Variants in JMJD1C observed in about 807,000 individuals in gnomAD.
JMJD1C encodes jumonji domain-containing protein 1C.
JMJD1C carries 31 observed loss-of-function variants against 245.3 expected under a neutral mutation model. The ratio of observed to expected loss-of-function variants is 0.13; its 90% CI spans 0.09 to 0.17. The LOEUF (loss-of-function observed/expected upper bound fraction) is 0.17, where lower values mean the gene tolerates loss of function less well. Among genes scored for constraint, JMJD1C ranks in the 10% least tolerant of loss-of-function variants. JMJD1C has a pLI of 1.00. For synonymous variants in JMJD1C, 1,057 were observed against 1,017.4 expected (o/e 1.04, Z -0.74); for missense variants, 2,691 against 3,000.2 (o/e 0.90, Z 2.41).
At chr10:63,248,191 G>C (rs926364779) in intron 3 of JMJD1C, among the ~76,000 whole-genome samples, 2 of 151,976 alleles carry the variant, frequency 1.3e-5, no homozygotes, top group Non-Finnish European at 2.9e-5. Flanking sequence ...GGCCAGGCAC[G>C]GTGTTTCACA....
intron 25 of JMJD1C, 59 bp downstream of exon 25, chr10:63,168,376 T>C (rs1842043090): frequency 1.3e-6 from 2 of 1,521,784 alleles, no homozygotes; most frequent in Non-Finnish European, 1.8e-6. Context: ...GTTATACATG[T>C]ATCATATTTC....
chr10:63,388,348 GA>G (rs71463520), intron 1 of JMJD1C, among the ~76,000 whole-genome samples: 6,498 of 130,986 alleles, frequency 0.05, 185 homozygotes, highest in Non-Finnish European at 0.075. Flanking sequence ...AGCTGAAGGA[GA>G]AAAAAAAAAA....
At chr10:63,332,238 A>G (rs1056790933) in intron 2 of JMJD1C, among the ~76,000 whole-genome samples, 6 of 152,234 alleles carry the variant, frequency 3.9e-5, no homozygotes, top group African/African-American at 1.4e-4. Flanking sequence ...AGCTTATATA[A>G]GTAAAGTAAG....
intron 2 of JMJD1C, among the ~76,000 whole-genome samples, chr10:63,307,915 T>C (rs1054375005): frequency 3.3e-5 from 5 of 152,014 alleles, no homozygotes; most frequent in African/African-American, 1.2e-4. Flanking sequence ...TTCGGGAAGC[T>C]GAGGCAGGCG....
At chr10:63,511,486 T>C (rs1251529088) in intron 1 of JMJD1C, among the ~76,000 whole-genome samples, 1 of 152,156 alleles carries the variant, frequency 6.6e-6, no homozygotes, top group Non-Finnish European at 1.5e-5. Flanking sequence ...CCAAGGCTGG[T>C]GGATCACGAG....
chr10:63,478,452 T>C (rs1169501573), intron 1 of JMJD1C, among the ~76,000 whole-genome samples: 1 of 152,166 alleles, frequency 6.6e-6, no homozygotes, highest in Non-Finnish European at 1.5e-5. Context: ...ATATTATACA[T>C]GCAACAATAT....
At chr10:63,303,302 T>G (rs1193809646) in intron 2 of JMJD1C, among the ~76,000 whole-genome samples, 4 of 152,156 alleles carry the variant, frequency 2.6e-5, no homozygotes, top group Admixed American at 1.3e-4. Context: ...CTTGTGCCTT[T>G]TTTGTTGATG....
intron 3 of JMJD1C, among the ~76,000 whole-genome samples, chr10:63,254,053 A>C (rs753477077): frequency 7.2e-5 from 11 of 152,154 alleles, no homozygotes; most frequent in Non-Finnish European, 1.5e-4. Context: ...TTTTAGTCTG[A>C]AGCCTAGAAA....
chr10:63,271,641 T>G (rs909077940), intron 2 of JMJD1C, among the ~76,000 whole-genome samples: 1 of 151,500 alleles, frequency 6.6e-6, no homozygotes, highest in African/African-American at 2.4e-5. Context: ...AACCACTGCC[T>G]CCTGGGTTCA....
rs563078993 is a variant in JMJD1C, at chr10:63,237,758, C to A, written c.448-17775G>T. Among the ~76,000 whole-genome samples the A allele has an allele frequency of 2.0e-5, 3 of 152,070 alleles. No individual in the cohort carries two copies. In the East Asian group the frequency reaches 5.8e-4, roughly 29 times the overall value. On this transcript the variant is annotated intron_variant, in intron 3 of 25. Coordinates refer to ENST00000399262, the MANE Select transcript of JMJD1C (RefSeq NM_032776.3). ...ACACATAATTAGAAAATCTGAAATCCAAAATGCTCCAATGAGCACTTCCTT... is the reference window on the plus strand; with the variant it reads ...ACACATAATTAGAAAATCTGAAATCAAAAATGCTCCAATGAGCACTTCCTT...
intron 1 of JMJD1C, among the ~76,000 whole-genome samples, chr10:63,475,617 A>G (rs1953636448): frequency 6.6e-6 from 1 of 152,188 alleles, no homozygotes; most frequent in African/African-American, 2.4e-5. Context: ...AATAGAGGAA[A>G]ACAGAGCCTG....
chr10:63,463,568 T>C (rs1392727286), intron 1 of JMJD1C, among the ~76,000 whole-genome samples: 2 of 152,128 alleles, frequency 1.3e-5, no homozygotes, highest in African/African-American at 2.4e-5. Context: ...TTAAGAAATG[T>C]GAATGTAAGA....
intron 2 of JMJD1C, among the ~76,000 whole-genome samples, chr10:63,287,311 A>G (rs1858099738): frequency 6.6e-6 from 1 of 152,238 alleles, no homozygotes; most frequent in Non-Finnish European, 1.5e-5. Context: ...CTAAACAGAA[A>G]CTCAGTAGGA....
chr10:63,512,139 C>T (rs1017104806), intron 1 of JMJD1C, among the ~76,000 whole-genome samples: 3 of 152,174 alleles, frequency 2.0e-5, no homozygotes, highest in East Asian at 1.9e-4. Context: ...TAGATACACA[C>T]ACATATACAA....
At chr10:63,446,521 G>C (rs1248029325) in intron 1 of JMJD1C, among the ~76,000 whole-genome samples, 1 of 152,184 alleles carries the variant, frequency 6.6e-6, no homozygotes, top group Non-Finnish European at 1.5e-5. Flanking sequence ...ATGTGACCAA[G>C]AACAAGAGCG....
In JMJD1C at chr10:63,207,404, T is replaced by G. The variant is rs1240538681; in HGVS notation, c.4265A>C (p.Asn1422Thr). ...GGSEVISSLS[N>T]TILASTSSEC... ...TGATGATGTAGAGGCCAAAATGGTA[T>G]TTGATAAAGAGGAAATTACTTCTGA... The change falls in exon 10 of 26, where the codon AAT (asparagine) becomes ACT (threonine). Residue 1422 changes from asparagine (N) to threonine (T), a missense_variant. By Grantham distance (65) the Asn-to-Thr change is moderately conservative. Transcript: ENST00000399262. The G allele has an allele frequency of 1.2e-6, 2 of 1,614,152 alleles. No homozygotes were observed. Among genetic ancestry groups the G allele is most frequent in the Admixed American group, 3.3e-5 (2 of 60,030 alleles).
chr10:63,493,934 G>C (rs948584735), intron 1 of JMJD1C, among the ~76,000 whole-genome samples: 1 of 152,188 alleles, frequency 6.6e-6, no homozygotes, highest in Non-Finnish European at 1.5e-5. Context: ...CAAAGAGAGA[G>C]AGAAACCATG....
chr10:63,280,093 G>A (rs892426922), intron 2 of JMJD1C, among the ~76,000 whole-genome samples: 4 of 152,122 alleles, frequency 2.6e-5, no homozygotes, highest in African/African-American at 9.7e-5. Context: ...AGAGGTTGCA[G>A]TGAGCCGAGG....
intron 10 of JMJD1C, among the ~76,000 whole-genome samples, chr10:63,201,913 AG>A (rs1846054057): frequency 6.6e-6 from 1 of 150,954 alleles, no homozygotes; most frequent in South Asian, 2.1e-4. Flanking sequence ...CTGGTGACAG[AG>A]CAAGACTCCG....
Sources: gnomAD v4.1 joint callset for allele counts (sites outside exome capture counted in the v4.1 genomes callset) on GRCh38, gnomAD v4.1.1 for gene constraint, MANE v1.5 for transcripts, NCBI Gene and HGNC (gene_info 2026-07-23, HGNC 2026-07-21) for gene names.